ADAM9: variants seen among roughly 807,000 people sequenced by gnomAD.
The protein encoded by ADAM9 is ADAM metallopeptidase domain 9.
Under a neutral mutation model 108.1 loss-of-function variants are expected in ADAM9, and 54 were observed. The observed-to-expected ratio is 0.50, with a 90% CI of 0.40 to 0.63. The LOEUF (loss-of-function observed/expected upper bound fraction) is 0.63, where lower values mean the gene tolerates loss of function less well. ADAM9 is among the 20% of genes least tolerant of loss of function. The probability of loss-of-function intolerance (pLI) is 0.00; values close to 1 mark genes in which losing one functional copy is unlikely to be tolerated. For synonymous variants in ADAM9, 316 were observed against 336.0 expected (o/e 0.94, Z 0.65); for missense variants, 830 against 997.7 (o/e 0.83, Z 2.26).
chr8:39,052,057 C>A (rs1425378799), intron 12 of ADAM9, among the ~76,000 whole-genome samples: 1 of 152,076 alleles, frequency 6.6e-6, no homozygotes, highest in African/African-American at 2.4e-5. Flanking sequence ...TACATTTTAA[C>A]TTATATCAGA....
intron 12 of ADAM9, among the ~76,000 whole-genome samples, chr8:39,045,200 GTATATA>G (rs1433435289): frequency 1.1e-4 from 13 of 122,546 alleles, no homozygotes; most frequent in African/African-American, 3.6e-4. Flanking sequence ...ACATATATGT[GTATATA>G]TGTGTATACA....
intron 20 of ADAM9, among the ~76,000 whole-genome samples, chr8:39,101,547 T>G (rs1359003288): frequency 1.3e-5 from 2 of 152,212 alleles, no homozygotes; most frequent in Admixed American, 6.5e-5. Flanking sequence ...ACACAGACAT[T>G]ATTTTATGCA....
intron 11 of ADAM9, among the ~76,000 whole-genome samples, chr8:39,027,734 G>A (rs1280303248): frequency 6.6e-6 from 1 of 152,034 alleles, no homozygotes; most frequent in African/African-American, 2.4e-5. Flanking sequence ...ACTGTAGTTC[G>A]TACGTGTGTA....
chr8:39,000,094 G>A (rs1379916161), intron 1 of ADAM9, among the ~76,000 whole-genome samples: 4 of 148,598 alleles, frequency 2.7e-5, no homozygotes, highest in East Asian at 2.1e-4. Context: ...GCACGATCTC[G>A]GCCCACTGCA....
chr8:39,092,109 G>A (rs1839375601), intron 20 of ADAM9, among the ~76,000 whole-genome samples: 1 of 152,110 alleles, frequency 6.6e-6, no homozygotes, highest in African/African-American at 2.4e-5. Context: ...TTTAGATCAT[G>A]ATATACTTTT....
chr8:39,045,510 GTACA>G lies in ADAM9; in HGVS notation c.1302+3400_1302+3403del, dbSNP rs1384001998. Among the ~76,000 whole-genome samples the G allele has an allele frequency of 1.8e-3, 118 of 65,582 alleles. 1 individual carries two copies. The highest frequency in any genetic ancestry group is 5.3e-3 in the African/African-American group (109 of 20,650). 43.0% of individuals were successfully genotyped at this position (65,582 alleles called of 152,430 possible). A position where few individuals can be genotyped will look rare whatever the true frequency, so the allele number is the denominator to read the frequency against. ...TGTGCGTGTGTATACATATGTGTGT[GTACA>G]TACATATATATGTGCATATGTGTGT... On this transcript the variant is annotated intron_variant, in intron 12 of 21. Coordinates refer to ENST00000487273, the MANE Select transcript of ADAM9 (RefSeq NM_003816.3).
chr8:39,006,771 G>T (rs1031592572), intron 1 of ADAM9, among the ~76,000 whole-genome samples: 1 of 152,034 alleles, frequency 6.6e-6, no homozygotes, highest in Non-Finnish European at 1.5e-5. Context: ...ATTCCATGCG[G>T]ATAGACTGAA....
Position 39,044,050 on chromosome 8 carries a change from C to A in ADAM9, c.1302+1933C>A, listed in dbSNP as rs1837535779. Among the ~76,000 whole-genome samples, 3 of 152,154 alleles carry A rather than the reference C, an allele frequency of 2.0e-5. No homozygotes were observed. In the South Asian group the frequency reaches 6.2e-4, roughly 32 times the overall value. On this transcript the variant is annotated intron_variant, in intron 12 of 21. Coordinates refer to ENST00000487273, the MANE Select transcript of ADAM9 (RefSeq NM_003816.3). ...CTATTCCATAACTTGGCTTTTCACT[C>A]TGTTGATTGCTTCCTATGCTGTGTA...
At position 39,042,047 on chromosome 8, in the gene ADAM9, C is replaced by G; in HGVS notation, c.1232C>G (p.Ala411Gly). 1.2e-6 allele frequency: 2 copies of G among 1,614,094 alleles called. No individual in the cohort carries two copies. The highest frequency in any genetic ancestry group is 1.7e-6 in the Non-Finnish European group (2 of 1,179,958). ...CLLNIPKPDE[A>G]YSAPSCGNKL... ...CTTAATATTCCAAAGCCTGATGAAG[C>G]CTATAGTGCTCCCTCCTGTGGTAAT... The change falls in exon 12 of 22, where the codon GCC (alanine) becomes GGC (glycine). Residue 411 changes from alanine to glycine, a missense_variant. Ala to Gly is a moderately conservative substitution (Grantham distance 60, BLOSUM62 0). This residue lies in a region of ADAM9 where 381 missense variants were observed against 539.8 expected (regional missense o/e 0.71). Coordinates refer to ENST00000487273, the MANE Select transcript of ADAM9 (RefSeq NM_003816.3).
chr8:39,063,777 A>G (rs13256952), intron 14 of ADAM9, among the ~76,000 whole-genome samples: 35,740 of 151,984 alleles, frequency 0.24, 4,492 homozygotes, highest in South Asian at 0.31. Context: ...CAGCTTTATC[A>G]AAGTCTCCCC....
intron 2 of ADAM9, among the ~76,000 whole-genome samples, chr8:39,011,086 C>T (rs1355903286): frequency 5.5e-5 from 8 of 145,802 alleles, no homozygotes; most frequent in Admixed American, 4.0e-4. Flanking sequence ...GAGTGAGACT[C>T]CATCTCAAAA....
intron 11 of ADAM9, among the ~76,000 whole-genome samples, chr8:39,030,025 C>CT (rs1490161414): frequency 6.6e-6 from 1 of 152,148 alleles, no homozygotes; most frequent in Non-Finnish European, 1.5e-5. Flanking sequence ...TGTCCCCACA[C>CT]TTGCATAGTC....
At position 39,014,038 on chromosome 8, in the gene ADAM9, A is replaced by G. The variant is rs770307880; in HGVS notation, c.328A>G (p.Ile110Val). 11 of 1,611,522 alleles carry G rather than the reference A, an allele frequency of 6.8e-6. No individual in the cohort carries two copies. The African/African-American group carries it at 9.4e-5, about 14-fold the overall frequency. ...EGTLITDHPN[I>V]QNHCHYRGYV... Reference sequence around the variant, plus strand: ...GACTTTAATCACTGACCATCCCAATATACAGGTAATGTATTTTTCTCTTGA... The same window carrying G: ...GACTTTAATCACTGACCATCCCAATGTACAGGTAATGTATTTTTCTCTTGA... The change falls in exon 4 of 22, where the codon ATA (isoleucine) becomes GTA (valine). Residue 110 changes from isoleucine (I) to valine (V), a missense_variant. Transcript: ENST00000487273.
intron 16 of ADAM9, among the ~76,000 whole-genome samples, chr8:39,079,732 C>A (rs1339083645): frequency 6.6e-6 from 1 of 151,990 alleles, no homozygotes; most frequent in Non-Finnish European, 1.5e-5. Flanking sequence ...TTACAGGCAT[C>A]TGCCACCATG....
intron 14 of ADAM9, among the ~76,000 whole-genome samples, chr8:39,065,411 T>TTGGC: frequency 6.6e-6 from 1 of 151,842 alleles, no homozygotes; most frequent in Non-Finnish European, 1.5e-5. Context: ...TCCCAGCTCT[T>TTGGC]TGGGAGGCTG....
chr8:39,053,800 G>A (rs563166968), intron 12 of ADAM9, among the ~76,000 whole-genome samples: 2 of 152,140 alleles, frequency 1.3e-5, no homozygotes, highest in Non-Finnish European at 2.9e-5. Context: ...CAACAGAGAA[G>A]TTAGACCCTG....
intron 16 of ADAM9, 145 bp from the exon 17 acceptor site, chr8:39,082,496 A>T (rs767243927): frequency 6.5e-6 from 4 of 611,506 alleles, no homozygotes; most frequent in Non-Finnish European, 1.1e-5. Context: ...CTGCATTTTT[A>T]AAAATATAAT....
At chr8:39,014,915 T>C (rs561513402) in intron 4 of ADAM9, 24 of 210,540 alleles carry the variant, frequency 1.1e-4, no homozygotes, top group Non-Finnish European at 2.2e-4. Flanking sequence ...TATCTTAGTG[T>C]GTTGTTGGTC....
At chr8:39,089,986 A>G (rs1839296323) in intron 18 of ADAM9, 61 bp from the exon 19 acceptor site, 1 of 1,485,876 alleles carries the variant, frequency 6.7e-7, no homozygotes, top group Non-Finnish European at 9.4e-7. Flanking sequence ...GTTTATAATC[A>G]TCTAGTATTT....
Sources: allele counts gnomAD v4.1 joint callset (sites outside exome capture counted in the v4.1 genomes callset), GRCh38; gene constraint gnomAD v4.1.1; regional missense constraint gnomAD v4.1.1; transcripts MANE v1.5; gene names NCBI Gene and HGNC (gene_info 2026-07-23, HGNC 2026-07-21).